KCNAB1: variants seen among roughly 807,000 people sequenced by gnomAD.
KCNAB1 encodes the protein voltage-gated potassium channel subunit beta-1.
Under a neutral mutation model 64.6 loss-of-function variants are expected in KCNAB1, and 35 were observed. The ratio of observed to expected loss-of-function variants is 0.54; its 90% CI spans 0.41 to 0.72. The LOEUF is 0.72. KCNAB1 is among the 30% of genes least tolerant of loss of function. The pLI is 0.00. For synonymous variants in KCNAB1, 177 were observed against 183.8 expected (o/e 0.96, Z 0.30); for missense variants, 401 against 512.9 (o/e 0.78, Z 2.11).
chr3:156,521,371 A>G (rs914689676), intron 11 of KCNAB1, among the ~76,000 whole-genome samples: 1 of 152,016 alleles, frequency 6.6e-6, no homozygotes, highest in African/African-American at 2.4e-5. Flanking sequence ...AATCTGAAAA[A>G]CGGGAAGAGA....
rs1719108675 is a variant in KCNAB1 at position 156,537,128 on chromosome 3, G to A, written c.*381G>A. The A allele has an allele frequency of 5.0e-6, 2 of 401,094 alleles. No homozygotes were observed. Among genetic ancestry groups the A allele is most frequent in the Non-Finnish European group, 8.8e-6 (2 of 227,732 alleles). 24.8% of individuals were successfully genotyped at this position (401,094 alleles called of 1,614,324 possible). Reference sequence around the variant, plus strand: ...AAAATCCACAGATGCAATGTGAGTTGCGTAAGAAACAGAGTAGATAGACTA... The same window carrying A: ...AAAATCCACAGATGCAATGTGAGTTACGTAAGAAACAGAGTAGATAGACTA... On this transcript the variant is annotated 3_prime_UTR_variant, in exon 14 of 14. Transcript: ENST00000490337.
chr3:156,235,132 G>T (rs1051192976), intron 1 of KCNAB1, among the ~76,000 whole-genome samples: 1 of 152,154 alleles, frequency 6.6e-6, no homozygotes, highest in South Asian at 2.1e-4. Context: ...AATTTTATTT[G>T]CTGGTAGAAA....
intron 1 of KCNAB1, among the ~76,000 whole-genome samples, chr3:156,287,347 A>T (rs1388306937): frequency 7.1e-6 from 1 of 140,024 alleles, no homozygotes; most frequent in Non-Finnish European, 1.5e-5. Context: ...CAACCTCCGT[A>T]TCAAAAAAAA....
intron 8 of KCNAB1, among the ~76,000 whole-genome samples, chr3:156,492,083 A>T (rs1715673635): frequency 6.6e-6 from 1 of 152,038 alleles, no homozygotes; most frequent in Non-Finnish European, 1.5e-5. Context: ...CAGAATTCTG[A>T]CTCCTAGCCC....
At chr3:156,315,632 T>G (rs2108015173) in intron 1 of KCNAB1, among the ~76,000 whole-genome samples, 1 of 152,304 alleles carries the variant, frequency 6.6e-6, no homozygotes, top group East Asian at 1.9e-4. Context: ...ATGACTACTA[T>G]GTATTTGTAT....
intron 1 of KCNAB1, among the ~76,000 whole-genome samples, chr3:156,129,082 T>A (rs1221347649): frequency 2.6e-5 from 4 of 152,118 alleles, no homozygotes; most frequent in Admixed American, 6.5e-5. Flanking sequence ...AACAACCTCA[T>A]AGTCTTGTTA....
At chr3:156,264,345 T>G (rs1718583899) in intron 1 of KCNAB1, among the ~76,000 whole-genome samples, 1 of 152,106 alleles carries the variant, frequency 6.6e-6, no homozygotes, top group Admixed American at 6.5e-5. Context: ...TTCATGACAA[T>G]CTTTGTCTTT....
At chr3:156,444,569 A>G (rs1717262215) in intron 2 of KCNAB1, among the ~76,000 whole-genome samples, 4 of 152,100 alleles carry the variant, frequency 2.6e-5, no homozygotes, top group Non-Finnish European at 5.9e-5. Context: ...ATGTCCCCTT[A>G]CTTACTTAGC....
At chr3:156,322,059 A>G (rs1267969102) in intron 1 of KCNAB1, among the ~76,000 whole-genome samples, 3 of 152,206 alleles carry the variant, frequency 2.0e-5, no homozygotes, top group Non-Finnish European at 4.4e-5. Flanking sequence ...TAGGGACACA[A>G]ACAAGTGCAT....
At chr3:156,458,051 TC>T (rs1712581891) in intron 4 of KCNAB1, among the ~76,000 whole-genome samples, 2 of 152,136 alleles carry the variant, frequency 1.3e-5, no homozygotes, top group African/African-American at 4.8e-5. Flanking sequence ...AGATTAGACG[TC>T]AAAGTCAGGA....
rs183723840 is a variant in KCNAB1 at position 156,296,874 on chromosome 3, A to G, written c.276-124742A>G. 2.4e-4 allele frequency among the ~76,000 whole-genome samples: 37 copies of G among 152,340 alleles called. 1 individual carries two copies. The highest frequency in any genetic ancestry group is 2.2e-3 in the Admixed American group (33 of 15,306). On this transcript the variant is annotated intron_variant, in intron 1 of 13. Transcript: ENST00000490337. ...AAGAAAAGAAGTACAGGGAATTTCC[A>G]TATGCCCTTAATTTCTCCAGTGGTT...
At position 156,288,659 on chromosome 3, in the gene KCNAB1, A is replaced by G. The variant is rs555138167; in HGVS notation, c.276-132957A>G. ...AGTCAGAATGCCCATGTGGTATCAG[A>G]TCTGAAAAGGTGCACTGTGGGCAGC... is the stretch of plus-strand genomic sequence containing the variant. On this transcript the variant is annotated intron_variant, in intron 1 of 13. Transcript: ENST00000490337. 2.0e-5 allele frequency among the ~76,000 whole-genome samples: 3 copies of G among 152,302 alleles called. No individual in the cohort carries two copies. In the South Asian group the frequency reaches 6.2e-4, roughly 32 times the overall value.
At chr3:156,440,014 C>T (rs776913344) in intron 2 of KCNAB1, among the ~76,000 whole-genome samples, 5 of 152,210 alleles carry the variant, frequency 3.3e-5, no homozygotes, top group Non-Finnish European at 7.3e-5. Flanking sequence ...AAAGCAACTG[C>T]AGGCAATACA....
chr3:156,215,024 AT>A (rs1349502443), intron 1 of KCNAB1, among the ~76,000 whole-genome samples: 1 of 152,240 alleles, frequency 6.6e-6, no homozygotes, highest in Non-Finnish European at 1.5e-5. Context: ...TAAACAGATA[AT>A]CATAATTATT....
intron 1 of KCNAB1, among the ~76,000 whole-genome samples, chr3:156,138,352 G>A (rs183886601): frequency 1.3e-5 from 2 of 152,258 alleles, no homozygotes; most frequent in East Asian, 3.9e-4. Flanking sequence ...CTGTAGTGTG[G>A]TGTCCCTTGT....
At chr3:156,294,290 T>C (rs1263380891) in intron 1 of KCNAB1, among the ~76,000 whole-genome samples, 1 of 152,216 alleles carries the variant, frequency 6.6e-6, no homozygotes, top group Non-Finnish European at 1.5e-5. Flanking sequence ...ATGTTGTTTC[T>C]TAAGGTAACT....
Position 156,538,553 on chromosome 3 carries a change from T to G in KCNAB1, c.*1806T>G, listed in dbSNP as rs187202059. The G allele has an allele frequency of 2.0e-5, 3 of 152,318 alleles. No individual in the cohort carries two copies. In the East Asian group the frequency reaches 5.8e-4, roughly 29 times the overall value. The allele number at this position is 152,318 out of a possible 1,614,324, so 9.4% of individuals were successfully genotyped here. ...GGTGCTGTCTAATGGGAAATGTGAT[T>G]TGATTGATTTATTTGCTTAGAGTAA... On this transcript the variant is annotated 3_prime_UTR_variant, in exon 14 of 14. Transcript: ENST00000490337.
rs956112854 is a variant in KCNAB1 at position 156,400,047 on chromosome 3, T to C, written c.276-21569T>C. ...GGCCACGGTTCTAAACACCTGAGAG[T>C]TGAGATGAATCCACAATTAGTTTTC... On this transcript the variant is annotated intron_variant, in intron 1 of 13. Transcript: ENST00000490337. 2.6e-5 allele frequency among the ~76,000 whole-genome samples: 4 copies of C among 152,026 alleles called. No individual in the cohort carries two copies. The East Asian group carries it at 7.7e-4, about 29-fold the overall frequency.
intron 1 of KCNAB1, among the ~76,000 whole-genome samples, chr3:156,417,719 G>GAAAAAAAAAAA (rs200175870): frequency 1.5e-5 from 2 of 130,262 alleles, no homozygotes; most frequent in African/African-American, 5.8e-5. Context: ...TGCCTTAAAA[G>GAAAAAAAAAAA]AAAAAAAAAA....
Sources: gnomAD v4.1 joint callset for allele counts (sites outside exome capture counted in the v4.1 genomes callset) on GRCh38, gnomAD v4.1.1 for gene constraint, MANE v1.5 for transcripts, NCBI Gene and HGNC (gene_info 2026-07-23, HGNC 2026-07-21) for gene names.